The following TENM4 variants were observed in gnomAD, a reference collection of about 807,000 sequenced individuals.
TENM4 encodes the protein teneurin-4.
A neutral mutation model predicts 243.3 loss-of-function variants in TENM4; 82 were observed. The observed-to-expected ratio is 0.34, with a 90% CI of 0.28 to 0.40. The LOEUF (loss-of-function observed/expected upper bound fraction) is 0.40, where lower values mean the gene tolerates loss of function less well. Ranked by LOEUF, TENM4 falls within the 10% of genes least tolerant of loss-of-function variation. TENM4 has a pLI of 1.00. For missense variants in TENM4, 3,138 were observed against 3,673.3 expected (o/e 0.85, Z 3.77); for synonymous variants, 1,412 against 1,456.3 (o/e 0.97, Z 0.69).
At chr11:79,379,774 C>T (rs1857964468) in intron 1 of TENM4, among the ~76,000 whole-genome samples, 1 of 152,174 alleles carries the variant, frequency 6.6e-6, no homozygotes, top group Non-Finnish European at 1.5e-5. Flanking sequence ...CACCACACTG[C>T]TCTTCCTTGA....
At chr11:78,900,685 A>G (rs1167257054) in intron 7 of TENM4, among the ~76,000 whole-genome samples, 3 of 152,182 alleles carry the variant, frequency 2.0e-5, no homozygotes, top group African/African-American at 7.2e-5. Context: ...AGATGAGGAA[A>G]TCAAGGTTCA....
At chr11:78,847,016 A>T (rs561187052) in intron 12 of TENM4, among the ~76,000 whole-genome samples, 2 of 152,326 alleles carry the variant, frequency 1.3e-5, no homozygotes, top group South Asian at 4.1e-4. Context: ...TTTAGGAAAA[A>T]TTCTGCTTTC....
rs143321703 is a variant in TENM4, at chr11:78,673,140, C to G, written c.5497-811G>C. Among the ~76,000 whole-genome samples, 6 of 152,196 alleles carry G rather than the reference C, an allele frequency of 3.9e-5. No individual in the cohort carries two copies. In the East Asian group the frequency reaches 1.2e-3, roughly 29 times the overall value. On this transcript the variant is annotated intron_variant, in intron 30 of 33. Transcript: ENST00000278550. ...AACTCCACCTGGACTGCTAGGCCAGCACACAGTTCAATTTCCTTTCAGAGT... is the reference window on the plus strand; with the variant it reads ...AACTCCACCTGGACTGCTAGGCCAGGACACAGTTCAATTTCCTTTCAGAGT...
chr11:78,724,815 G>C (rs1855478111), intron 23 of TENM4, among the ~76,000 whole-genome samples: 1 of 152,246 alleles, frequency 6.6e-6, no homozygotes, highest in Non-Finnish European at 1.5e-5. Flanking sequence ...TACAATGCAA[G>C]GGACTTGCTC....
chr11:79,357,444 G>A (rs1054620124), intron 1 of TENM4, among the ~76,000 whole-genome samples: 2 of 152,134 alleles, frequency 1.3e-5, no homozygotes, highest in African/African-American at 2.4e-5. Context: ...CTAGGGAATC[G>A]CTTGAACCAT....
intron 3 of TENM4, among the ~76,000 whole-genome samples, chr11:79,192,337 G>C (rs954303453): frequency 6.6e-6 from 1 of 152,238 alleles, no homozygotes; most frequent in Non-Finnish European, 1.5e-5. Context: ...GGGGCAAGGC[G>C]GGGAAAAGAT....
At chr11:79,080,376 T>C (rs1364529813) in intron 4 of TENM4, among the ~76,000 whole-genome samples, 1 of 152,174 alleles carries the variant, frequency 6.6e-6, no homozygotes, top group African/African-American at 2.4e-5. Flanking sequence ...AAAGAGCAAC[T>C]GACACAGACA....
chr11:78,728,724 G>A (rs649535), intron 22 of TENM4, among the ~76,000 whole-genome samples: 10,344 of 152,214 alleles, frequency 0.068, 434 homozygotes, highest in Middle Eastern at 0.13. Context: ...AGTGCTTGGT[G>A]GATCAACTCC....
intron 2 of TENM4, among the ~76,000 whole-genome samples, chr11:79,250,335 T>C (rs1198236677): frequency 6.6e-6 from 1 of 152,210 alleles, no homozygotes; most frequent in Admixed American, 6.5e-5. Context: ...ATTGTGAGGC[T>C]AAATGAGATA....
rs573793964 is a variant in TENM4, at chr11:78,657,151, T to A, written c.*907A>T. ...CCCACATTGAAGGCTTGCTGTGCAG[T>A]GCTCGTTCTCACATCTGGCTTTGGG... is the stretch of plus-strand genomic sequence containing the variant. On this transcript the variant is annotated 3_prime_UTR_variant, in exon 34 of 34. Coordinates refer to ENST00000278550, the MANE Select transcript of TENM4 (RefSeq NM_001098816.3). 3.3e-5 allele frequency: 13 copies of A among 398,600 alleles called. No individual in the cohort carries two copies. The highest frequency in any genetic ancestry group is 5.7e-5 in the Non-Finnish European group (13 of 226,142). The allele number at this position is 398,600 out of a possible 1,614,324, so 24.7% of individuals were successfully genotyped here.
intron 24 of TENM4, among the ~76,000 whole-genome samples, chr11:78,721,041 T>C (rs1028098156): frequency 6.6e-6 from 1 of 152,202 alleles, no homozygotes; most frequent in African/African-American, 2.4e-5. Context: ...ATGGGGTCTC[T>C]TATTGGAAAG....
chr11:79,046,663 A>G (rs1429797458), intron 6 of TENM4, among the ~76,000 whole-genome samples: 2 of 152,182 alleles, frequency 1.3e-5, no homozygotes. Flanking sequence ...CAATCCAGGC[A>G]GAGACTGGAG....
chr11:79,281,605 A>G (rs115687576), intron 2 of TENM4, among the ~76,000 whole-genome samples: 6,304 of 152,222 alleles, frequency 0.041, 176 homozygotes, highest in African/African-American at 0.079. Flanking sequence ...GTGATGTGGG[A>G]TGGCTCTCTG....
intron 17 of TENM4, among the ~76,000 whole-genome samples, chr11:78,777,199 T>A (rs957133214): frequency 6.6e-6 from 1 of 152,190 alleles, no homozygotes. Context: ...AAATGCCTGT[T>A]TTTAAAGAGG....
chr11:78,676,242 C>T lies in TENM4; in HGVS notation c.5406G>A (p.Leu1802=), dbSNP rs1220562028. ...NPTVGKRNVT[L]PIDNGLNLVE... is the part of the protein sequence containing the mutation. ...CCAGGTTGAGGCCGTTGTCGATGGG[C>T]AGCGTGACATTCCTCTTGCCCACGG... The change falls in exon 30 of 34, where the codon CTG becomes CTA. Residue 1802 remains leucine, a synonymous_variant. Coordinates refer to ENST00000278550, the MANE Select transcript of TENM4 (RefSeq NM_001098816.3). The T allele has an allele frequency of 3.1e-6, 5 of 1,609,570 alleles. No homozygotes were observed. The highest frequency in any genetic ancestry group is 4.2e-6 in the Non-Finnish European group (5 of 1,177,342).
At chr11:79,373,732 T>C (rs1487975175) in intron 1 of TENM4, among the ~76,000 whole-genome samples, 5 of 152,152 alleles carry the variant, frequency 3.3e-5, no homozygotes, top group African/African-American at 4.8e-5. Flanking sequence ...GGTGAGGTAG[T>C]TGATTCAAAA....
At chr11:79,355,080 AC>A (rs1385055839) in intron 1 of TENM4, among the ~76,000 whole-genome samples, 2 of 152,212 alleles carry the variant, frequency 1.3e-5, no homozygotes, top group African/African-American at 4.8e-5. Flanking sequence ...AACCTTTTTA[AC>A]TTTTAGAATT....
intron 33 of TENM4, among the ~76,000 whole-genome samples, chr11:78,661,101 A>G (rs764974158): frequency 6.6e-6 from 1 of 152,226 alleles, no homozygotes; most frequent in Non-Finnish European, 1.5e-5. Context: ...GGCCAGGTGC[A>G]TTGAAGTACT....
chr11:79,051,588 G>T (rs1327266248), intron 6 of TENM4, among the ~76,000 whole-genome samples: 2 of 152,190 alleles, frequency 1.3e-5, no homozygotes, highest in Admixed American at 6.5e-5. Flanking sequence ...CTTTTTAACT[G>T]GCTAGCTGGC....
Sources: gnomAD v4.1 joint callset for allele counts (sites outside exome capture counted in the v4.1 genomes callset) on GRCh38, gnomAD v4.1.1 for gene constraint, MANE v1.5 for transcripts, NCBI Gene and HGNC (gene_info 2026-07-23, HGNC 2026-07-21) for gene names.